Variants in IFT140 observed in about 807,000 individuals in gnomAD.
IFT140 encodes the protein intraflagellar transport protein 140 homolog.
In IFT140, 133 loss-of-function variants were observed where a neutral mutation model predicts 164.6. The observed-to-expected ratio is 0.81, with a 90% CI of 0.70 to 0.93. IFT140 has a LOEUF of 0.93. IFT140 is among the 40% of genes least tolerant of loss of function. IFT140 has a pLI of 0.00. For missense variants in IFT140, 2,045 were observed against 1,972.3 expected, an observed-to-expected ratio of 1.04 and a Z score of -0.70; for synonymous variants, 860 against 817.3, an observed-to-expected ratio of 1.05 and a Z score of -0.89.
In IFT140 at chr16:1,553,657, G is replaced by A. The variant is rs964074479; in HGVS notation, c.2399+4278C>T. 9.4e-7 allele frequency: 1 copy of A among 1,067,668 alleles called. No individual in the cohort carries two copies. Among genetic ancestry groups the A allele is most frequent in the African/African-American group, 1.7e-5 (1 of 60,428 alleles). 66.1% of individuals were successfully genotyped at this position (1,067,668 alleles called of 1,614,324 possible). On this transcript the variant is annotated intron_variant, in intron 19 of 30. Transcript: ENST00000426508. This position sits in a 1 kb window ranked among gnomAD's most constrained non-coding sequence, Gnocchi z 4.4. ...CTGTAACAGAGAGGGAGGGGTGCTG[G>A]GTGGGCAGAAGCGGGGCTGGGGCTG...
chr16:1,527,813 T>TC (rs1371720295), intron 19 of IFT140, among the ~76,000 whole-genome samples: 2 of 152,210 alleles, frequency 1.3e-5, no homozygotes, highest in African/African-American at 4.8e-5. Context: ...GCTCAAGTGA[T>TC]CCACCTGCCT....
chr16:1,517,650 A>G (rs2072990), intron 30 of IFT140, among the ~76,000 whole-genome samples: 65,278 of 152,118 alleles, frequency 0.43, 16,789 homozygotes, highest in African/African-American at 0.72. Context: ...CTAAAATTAA[A>G]AAATAAGCGA....
chr16:1,557,884 G>C (rs1567367925), intron 19 of IFT140, 51 bp downstream of exon 19: 1 of 1,551,890 alleles, frequency 6.4e-7, no homozygotes, highest in Non-Finnish European at 8.9e-7. Context: ...AGAAAGGAAA[G>C]AGCCGTGAGC....
intron 19 of IFT140, among the ~76,000 whole-genome samples, chr16:1,540,024 C>T (rs533859892): frequency 5.3e-5 from 8 of 152,322 alleles, no homozygotes; most frequent in South Asian, 4.1e-4. Flanking sequence ...CAGGAGGGGA[C>T]GCTGTGGAGG....
In IFT140 at chr16:1,540,002, C is replaced by T. The variant is rs566293395; in HGVS notation, c.2400-13206G>A. Reference sequence around the variant, plus strand: ...GGCATCCAGGAAGGAGAGCTCCCTCCGCCCCGAGTGACAGGAGGGGACGCT... The same window carrying T: ...GGCATCCAGGAAGGAGAGCTCCCTCTGCCCCGAGTGACAGGAGGGGACGCT... On this transcript the variant is annotated intron_variant, in intron 19 of 30. Transcript: ENST00000426508. 3.5e-4 allele frequency among the ~76,000 whole-genome samples: 53 copies of T among 152,322 alleles called. No individual in the cohort carries two copies. In the East Asian group the frequency reaches 3.9e-3, roughly 11 times the overall value.
intron 19 of IFT140, among the ~76,000 whole-genome samples, chr16:1,536,463 C>G (rs947960467): frequency 3.3e-5 from 5 of 152,184 alleles, no homozygotes; most frequent in African/African-American, 1.2e-4. Flanking sequence ...CAACATCCTC[C>G]TGCAACTTGT....
chr16:1,513,960 A>C (rs1408228083), intron 30 of IFT140, among the ~76,000 whole-genome samples: 4 of 150,554 alleles, frequency 2.7e-5, no homozygotes, highest in Non-Finnish European at 5.9e-5. Context: ...GGCGTGAGCC[A>C]CTGCACCCGG....
intron 26 of IFT140, 135 bp from the exon 27 acceptor site, chr16:1,520,943 G>T: frequency 1.4e-6 from 1 of 712,002 alleles, no homozygotes; most frequent in Non-Finnish European, 2.3e-6. Flanking sequence ...GGTGGGTATG[G>T]AGGGGACAAG....
intron 22 of IFT140, 139 bp downstream of exon 22, chr16:1,525,092 G>A: frequency 1.7e-6 from 2 of 1,165,766 alleles, no homozygotes; most frequent in Non-Finnish European, 2.4e-6. Flanking sequence ...CAGGGCCCTG[G>A]CATGGCTCTG....
chr16:1,602,541 G>A lies in IFT140; in HGVS notation c.198C>T (p.Ser66=). 6.2e-7 allele frequency: 1 copy of A among 1,614,020 alleles called. No individual in the cohort carries two copies. Among genetic ancestry groups the A allele is most frequent in the Non-Finnish European group, 8.5e-7 (1 of 1,180,032 alleles). ...CCAGCCGCGTCGGGTGCCAGCACAG[G>A]GAAGCAACCCGGAACGGCCTCTCGA... ...THVERPFRVA[S]LCWHPTRLVL... Residue 66 remains serine (S), a synonymous_variant, in exon 4 of 31, where the codon TCC becomes TCT. Coordinates refer to ENST00000426508, the MANE Select transcript of IFT140 (RefSeq NM_014714.4).
intron 13 of IFT140, among the ~76,000 whole-genome samples, chr16:1,578,527 G>A (rs527845975): frequency 1.3e-5 from 2 of 151,404 alleles, no homozygotes; most frequent in Non-Finnish European, 2.9e-5. Context: ...GACAATCACT[G>A]GAGCCAGGAG....
At chr16:1,589,446 A>C (rs74965120) in intron 7 of IFT140, among the ~76,000 whole-genome samples, 159 bp downstream of exon 7, 6 of 152,164 alleles carry the variant, frequency 3.9e-5, no homozygotes, top group Admixed American at 1.3e-4. Flanking sequence ...TGAATGTGGT[A>C]TGATAAATAA....
chr16:1,555,423 A>T (rs1431264797), intron 19 of IFT140: 1 of 182,194 alleles, frequency 5.5e-6, no homozygotes, highest in Non-Finnish European at 1.1e-5. Flanking sequence ...TAAAGCAGAA[A>T]ACCAGGAAAA....
Position 1,566,308 on chromosome 16 carries a change from C to A in IFT140, c.1771-17G>T, listed in dbSNP as rs928436728. 3 of 1,612,202 alleles carry A rather than the reference C, an allele frequency of 1.9e-6. No homozygotes were observed. The highest frequency in any genetic ancestry group is 1.3e-5 in the African/African-American group (1 of 74,872). On this transcript the variant is annotated splice_polypyrimidine_tract_variant and intron_variant, in intron 15 of 30. Coordinates refer to ENST00000426508, the MANE Select transcript of IFT140 (RefSeq NM_014714.4). ...GTTGTCAGCCTAGGAGAAGAGAAAA[C>A]CAGAAAGCTCACGGAGCCTGCCCAG...
In IFT140 at chr16:1,520,760, C is replaced by T. The variant is rs780721001; in HGVS notation, c.3502G>A (p.Glu1168Lys). ...LCLGQNMSIT[E>K]EMAEKMTVAK... ...ACGGTCATCTTTTCCGCCATCTCCTCGGTGATGCTCATGTTCTGCCCCAGG... is the reference window on the plus strand; with the variant it reads ...ACGGTCATCTTTTCCGCCATCTCCTTGGTGATGCTCATGTTCTGCCCCAGG... Residue 1168 changes from glutamate to lysine, a missense_variant, in exon 27 of 31, where the codon GAG (glutamate) becomes AAG (lysine). Physicochemically the swap from Glu to Lys is moderately conservative, Grantham distance 56. Coordinates refer to ENST00000426508, the MANE Select transcript of IFT140 (RefSeq NM_014714.4). The T allele has an allele frequency of 1.2e-5, 19 of 1,608,546 alleles. No homozygotes were observed. Among genetic ancestry groups the T allele is most frequent in the Middle Eastern group, 1.6e-4 (1 of 6,084 alleles).
intron 3 of IFT140, among the ~76,000 whole-genome samples, chr16:1,606,654 T>C (rs1203636005): frequency 5.9e-5 from 9 of 152,162 alleles, no homozygotes; most frequent in Admixed American, 5.9e-4. Context: ...GAGATGGGGT[T>C]TCTCCATGTT....
At chr16:1,534,163 G>A in intron 19 of IFT140, 1 of 1,398,564 alleles carries the variant, frequency 7.2e-7, no homozygotes, top group Non-Finnish European at 9.6e-7. Flanking sequence ...GCCGCCCCGA[G>A]GATGAGTGGT....
chr16:1,554,149 G>T, intron 19 of IFT140: 1 of 1,286,592 alleles, frequency 7.8e-7, no homozygotes, highest in South Asian at 1.2e-5. Context: ...TATAGCCAAG[G>T]AGCCCTAGAC....
At chr16:1,523,288 G>A (rs1303670257) in intron 26 of IFT140, among the ~76,000 whole-genome samples, 1 of 152,008 alleles carries the variant, frequency 6.6e-6, no homozygotes, top group Admixed American at 6.6e-5. Context: ...CACCATAGGT[G>A]AGTGCACCAT....
Sources: allele counts gnomAD v4.1 joint callset (sites outside exome capture counted in the v4.1 genomes callset), GRCh38; gene constraint gnomAD v4.1.1; non-coding constraint Gnocchi (gnomAD v3.1); transcripts MANE v1.5; gene names NCBI Gene and HGNC (gene_info 2026-07-23, HGNC 2026-07-21).